Variants in ROBO2 observed in about 807,000 individuals in gnomAD.
The protein encoded by ROBO2 is roundabout guidance receptor 2.
ROBO2 carries 53 observed loss-of-function variants against 160.8 expected under a neutral mutation model. The observed-to-expected ratio is 0.33, with a 90% confidence interval of 0.26 to 0.41. The LOEUF (loss-of-function observed/expected upper bound fraction) is 0.41, where lower values mean the gene tolerates loss of function less well. Ranked by LOEUF, ROBO2 falls within the 10% of genes least tolerant of loss-of-function variation. The pLI is 1.00. For missense variants in ROBO2, 1,577 were observed against 1,722.4 expected (o/e 0.92, Z 1.49); for synonymous variants, 664 against 611.7 (o/e 1.09, Z -1.26).
At chr3:76,896,309 T>C (rs2074769579) in intron 2 of ROBO2, among the ~76,000 whole-genome samples, 1 of 152,172 alleles carries the variant, frequency 6.6e-6, no homozygotes. Context: ...CTGAACACAT[T>C]ATCTTTTCAT....
chr3:76,172,450 A>T (rs1445467675), intron 2 of ROBO2, among the ~76,000 whole-genome samples: 1 of 151,586 alleles, frequency 6.6e-6, no homozygotes, highest in Admixed American at 6.6e-5. Context: ...AAAAAAAAAA[A>T]AAAAGAAAAC....
At chr3:76,683,098 G>T (rs1224321093) in intron 2 of ROBO2, among the ~76,000 whole-genome samples, 1 of 151,968 alleles carries the variant, frequency 6.6e-6, no homozygotes, top group Non-Finnish European at 1.5e-5. Flanking sequence ...TAAGAAATAG[G>T]TTAGGTCTCA....
chr3:77,230,850 T>C (rs1205819447), intron 2 of ROBO2, among the ~76,000 whole-genome samples: 1 of 152,150 alleles, frequency 6.6e-6, no homozygotes, highest in Non-Finnish European at 1.5e-5. Flanking sequence ...AAAATTACTC[T>C]TTTGCGATCT....
At chr3:76,241,806 T>C (rs75826085) in intron 2 of ROBO2, among the ~76,000 whole-genome samples, 8,839 of 152,240 alleles carry the variant, frequency 0.058, 375 homozygotes, top group East Asian at 0.19. Flanking sequence ...AAATGTACTG[T>C]CTGAATGATA....
intron 2 of ROBO2, among the ~76,000 whole-genome samples, chr3:77,324,941 T>C (rs907339730): frequency 5.9e-5 from 9 of 152,166 alleles, no homozygotes; most frequent in African/African-American, 2.2e-4. Flanking sequence ...TTAGAAGTGA[T>C]ATTCTCTCCA....
intron 2 of ROBO2, among the ~76,000 whole-genome samples, chr3:76,144,730 G>T (rs2071818322): frequency 1.3e-5 from 2 of 151,952 alleles, no homozygotes; most frequent in African/African-American, 2.4e-5. Flanking sequence ...CATTGTCAGG[G>T]TTTTAACTTG....
At chr3:76,213,843 G>A (rs138619791) in intron 2 of ROBO2, among the ~76,000 whole-genome samples, 3 of 152,254 alleles carry the variant, frequency 2.0e-5, no homozygotes, top group African/African-American at 7.2e-5. Flanking sequence ...GAATAGCAAT[G>A]TTGGACCCTA....
At chr3:76,669,313 T>G (rs1045678689) in intron 2 of ROBO2, among the ~76,000 whole-genome samples, 1 of 152,266 alleles carries the variant, frequency 6.6e-6, no homozygotes, top group African/African-American at 2.4e-5. Flanking sequence ...TGAAATATTT[T>G]TATGGGGAAA....
chr3:77,216,741 A>G (rs544733323), intron 2 of ROBO2, among the ~76,000 whole-genome samples: 14 of 152,334 alleles, frequency 9.2e-5, no homozygotes, highest in Admixed American at 6.5e-4. Context: ...ATTTTTTTAA[A>G]CAACCTAATG....
At chr3:76,039,616 A>G (rs144563986) in intron 2 of ROBO2, among the ~76,000 whole-genome samples, 2 of 152,202 alleles carry the variant, frequency 1.3e-5, no homozygotes, top group African/African-American at 4.8e-5. Context: ...ATACTTCCTA[A>G]TGAATCACAT....
intron 2 of ROBO2, among the ~76,000 whole-genome samples, chr3:76,263,019 A>G (rs1706862647): frequency 6.6e-6 from 1 of 152,132 alleles, no homozygotes; most frequent in Non-Finnish European, 1.5e-5. Flanking sequence ...CAAACTCAAC[A>G]TGCCATCAGT....
At chr3:76,114,297 C>A (rs1466450698) in intron 2 of ROBO2, among the ~76,000 whole-genome samples, 1 of 151,996 alleles carries the variant, frequency 6.6e-6, no homozygotes, top group African/African-American at 2.4e-5. Flanking sequence ...TTTAAGTGTT[C>A]GGTGGCTTTT....
At chr3:76,683,726 A>G (rs911999337) in intron 2 of ROBO2, among the ~76,000 whole-genome samples, 2 of 152,218 alleles carry the variant, frequency 1.3e-5, no homozygotes, top group Admixed American at 1.3e-4. Context: ...AACATTTCCA[A>G]TGGTTGTGAA....
intron 2 of ROBO2, among the ~76,000 whole-genome samples, chr3:76,259,840 C>T (rs1030656814): frequency 6.6e-6 from 1 of 152,124 alleles, no homozygotes; most frequent in African/African-American, 2.4e-5. Context: ...CTTATGCTGC[C>T]TGCTAAACCT....
intron 2 of ROBO2, among the ~76,000 whole-genome samples, chr3:76,452,534 A>G (rs1038657965): frequency 5.3e-5 from 8 of 152,106 alleles, no homozygotes; most frequent in East Asian, 1.9e-4. Flanking sequence ...ATAGTATTCC[A>G]TGGTGTATAT....
At chr3:77,248,624 G>T in intron 2 of ROBO2, among the ~76,000 whole-genome samples, 1 of 152,240 alleles carries the variant, frequency 6.6e-6, no homozygotes. Flanking sequence ...GCTCACCTGC[G>T]CCCCCTCCCT....
intron 2 of ROBO2, among the ~76,000 whole-genome samples, chr3:76,404,587 A>G (rs1383324704): frequency 6.6e-6 from 1 of 151,302 alleles, no homozygotes; most frequent in Admixed American, 6.6e-5. Context: ...TTTTTTTTTT[A>G]ATAGTTGCAA....
intron 2 of ROBO2, among the ~76,000 whole-genome samples, chr3:77,233,411 C>T (rs932563325): frequency 1.3e-5 from 2 of 151,932 alleles, no homozygotes; most frequent in Non-Finnish European, 2.9e-5. Flanking sequence ...ATGTGGATTA[C>T]AAGAATACAC....
intron 2 of ROBO2, among the ~76,000 whole-genome samples, chr3:76,346,694 C>T (rs1005047382): frequency 3.9e-5 from 6 of 151,964 alleles, no homozygotes; most frequent in African/African-American, 9.7e-5. Flanking sequence ...TGAGATTTGT[C>T]GATAACGTTT....
Sources: allele counts gnomAD v4.1 joint callset (sites outside exome capture counted in the v4.1 genomes callset), GRCh38; gene constraint gnomAD v4.1.1; transcripts MANE v1.5; gene names NCBI Gene and HGNC (gene_info 2026-07-23, HGNC 2026-07-21).